Variants in ATP6V1H observed in about 807,000 individuals in gnomAD.
The protein encoded by ATP6V1H is ATPase H+ transporting V1 subunit H.
ATP6V1H carries 39 observed loss-of-function variants against 71.7 expected under a neutral mutation model. The ratio of observed to expected loss-of-function variants is 0.54; its 90% CI spans 0.42 to 0.71. The LOEUF (loss-of-function observed/expected upper bound fraction) is 0.71. Ranked by LOEUF, ATP6V1H falls within the 30% of genes least tolerant of loss-of-function variation. ATP6V1H has a pLI of 0.00. For synonymous variants in ATP6V1H, 192 were observed against 199.3 expected, an observed-to-expected ratio of 0.96 and a Z score of 0.31; for missense variants, 509 against 594.9, an observed-to-expected ratio of 0.86 and a Z score of 1.50.
Position 53,817,473 on chromosome 8 carries a change from C to CG in ATP6V1H, c.363_364insC (p.Ala122ArgfsTer39). On this transcript the variant is annotated frameshift_variant, in exon 5 of 14. Coordinates refer to ENST00000359530, the MANE Select transcript of ATP6V1H (RefSeq NM_015941.4). LOFTEE classifies it high-confidence loss of function. The stretch of plus-strand genomic sequence containing the variant: ...AACATTGGCAGAAAGTAGGGCCACG[C>CG]AGTGTTCTTGCTACATCTTGCATAG... 6.2e-7 allele frequency: 1 copy of CG among 1,613,798 alleles called. No homozygotes were observed. Among genetic ancestry groups the CG allele is most frequent in the Non-Finnish European group, 8.5e-7 (1 of 1,179,820 alleles).
intron 13 of ATP6V1H, among the ~76,000 whole-genome samples, chr8:53,721,274 G>GA (rs916475600): frequency 2.3e-4 from 35 of 151,150 alleles, no homozygotes; most frequent in Admixed American, 1.2e-3. Context: ...TTTATGAACT[G>GA]AAAAAAAACA....
At position 53,775,345 on chromosome 8, in the gene ATP6V1H, A is replaced by G. The variant is rs922632426; in HGVS notation, c.871-3178T>C. ...AAGAGCGAAAGAACACAGCTCCCAC[A>G]GTGTGGAAGGGGACCGGAGCGGGTT... On this transcript the variant is annotated intron_variant, in intron 9 of 13. Transcript: ENST00000359530. Among the ~76,000 whole-genome samples, 7 of 152,340 alleles carry G rather than the reference A, an allele frequency of 4.6e-5. No homozygotes were observed. The East Asian group carries it at 5.8e-4, about 13-fold the overall frequency.
At chr8:53,789,633 G>A (rs1456778133) in intron 9 of ATP6V1H, among the ~76,000 whole-genome samples, 2 of 152,068 alleles carry the variant, frequency 1.3e-5, no homozygotes, top group Admixed American at 1.3e-4. Flanking sequence ...CAACAGGACA[G>A]CTAAAATAAG....
intron 2 of ATP6V1H, among the ~76,000 whole-genome samples, chr8:53,838,127 C>CTTTT (rs11388813): frequency 6.8e-6 from 1 of 146,324 alleles, no homozygotes; most frequent in Non-Finnish European, 1.5e-5. Context: ...CTGTTACTGT[C>CTTTT]TTTTTTTTTT....
intron 7 of ATP6V1H, among the ~76,000 whole-genome samples, chr8:53,807,365 C>T (rs989903490): frequency 1.1e-4 from 17 of 151,666 alleles, no homozygotes; most frequent in Admixed American, 3.9e-4. Flanking sequence ...TTTGGGAGGC[C>T]GAGGTGGGCA....
chr8:53,833,315 G>A (rs553007671), intron 2 of ATP6V1H: 39 of 478,574 alleles, frequency 8.1e-5, no homozygotes, highest in Non-Finnish European at 1.1e-4. Context: ...AACAATAATC[G>A]CATTGCCTCT....
At chr8:53,825,459 A>G (rs1810795462) in intron 4 of ATP6V1H, among the ~76,000 whole-genome samples, 1 of 152,150 alleles carries the variant, frequency 6.6e-6, no homozygotes, top group African/African-American at 2.4e-5. Context: ...AACAACATTC[A>G]AGAAAACCTA....
intron 11 of ATP6V1H, among the ~76,000 whole-genome samples, chr8:53,760,281 A>AT (rs1298585967): frequency 2.0e-5 from 3 of 152,196 alleles, no homozygotes; most frequent in Non-Finnish European, 4.4e-5. Context: ...TGCTCAACTG[A>AT]TAAGGGAAAA....
In ATP6V1H at chr8:53,822,963, T is replaced by C. The variant is rs574831704; in HGVS notation, c.307-5433A>G. Among the ~76,000 whole-genome samples the C allele has an allele frequency of 2.3e-3, 343 of 152,140 alleles. 2 individuals are homozygous for C. The highest frequency in any genetic ancestry group is 7.9e-3 in the African/African-American group (326 of 41,524). ...CACTAATGTGTATATATGCACCAAATACAGCATCCACCTTTATAAAGTGAA... is the reference window on the plus strand; with the variant it reads ...CACTAATGTGTATATATGCACCAAACACAGCATCCACCTTTATAAAGTGAA... On this transcript the variant is annotated intron_variant, in intron 4 of 13. Coordinates refer to ENST00000359530, the MANE Select transcript of ATP6V1H (RefSeq NM_015941.4).
chr8:53,821,544 G>A (rs528944927), intron 4 of ATP6V1H, among the ~76,000 whole-genome samples: 11 of 152,038 alleles, frequency 7.2e-5, no homozygotes, highest in East Asian at 1.9e-4. Flanking sequence ...AGCTGGGCAC[G>A]GCGGCACACG....
intron 12 of ATP6V1H, among the ~76,000 whole-genome samples, chr8:53,751,439 CAAAGTGCA>C: frequency 6.6e-6 from 1 of 152,222 alleles, no homozygotes; most frequent in South Asian, 2.1e-4. Flanking sequence ...TGAAATAGTC[CAAAGTGCA>C]AATATGACAT....
intron 4 of ATP6V1H, among the ~76,000 whole-genome samples, chr8:53,817,867 C>T (rs1482239735): frequency 1.1e-4 from 16 of 152,026 alleles, no homozygotes; most frequent in Admixed American, 1.0e-3. Context: ...ACCTGGCTGC[C>T]ATACGAGGGA....
chr8:53,752,410 C>T (rs1807828215), intron 12 of ATP6V1H, among the ~76,000 whole-genome samples: 2 of 152,222 alleles, frequency 1.3e-5, no homozygotes, highest in Non-Finnish European at 2.9e-5. Flanking sequence ...TGTGAGAAAT[C>T]CGCATATAAC....
intron 2 of ATP6V1H, among the ~76,000 whole-genome samples, chr8:53,837,351 A>G (rs1811189889): frequency 6.6e-6 from 1 of 152,208 alleles, no homozygotes; most frequent in African/African-American, 2.4e-5. Flanking sequence ...AGGCACCTGT[A>G]AGAACAGTTG....
intron 6 of ATP6V1H, among the ~76,000 whole-genome samples, chr8:53,813,558 A>G (rs896795681): frequency 6.6e-6 from 1 of 151,948 alleles, no homozygotes; most frequent in Admixed American, 6.6e-5. Flanking sequence ...CTACCTTTTC[A>G]TCTCCAGAAT....
intron 3 of ATP6V1H, among the ~76,000 whole-genome samples, chr8:53,830,032 C>G (rs1264335022): frequency 6.6e-6 from 1 of 152,142 alleles, no homozygotes; most frequent in Non-Finnish European, 1.5e-5. Context: ...CCAACTTCCC[C>G]ATGACTGTTG....
At chr8:53,840,358 C>A (rs1166418345) in intron 2 of ATP6V1H, among the ~76,000 whole-genome samples, 2 of 152,022 alleles carry the variant, frequency 1.3e-5, no homozygotes, top group African/African-American at 4.8e-5. Context: ...ATTAGGCGGG[C>A]AAGGTGTCAG....
At chr8:53,725,122 GGCC>G (rs1227811462) in intron 13 of ATP6V1H, among the ~76,000 whole-genome samples, 2 of 152,118 alleles carry the variant, frequency 1.3e-5, no homozygotes, top group Admixed American at 6.5e-5. Context: ...TGAGAGGAGG[GGCC>G]TTAAAGAGGT....
At chr8:53,717,903 G>A (rs1013502564) in intron 13 of ATP6V1H, among the ~76,000 whole-genome samples, 1 of 152,164 alleles carries the variant, frequency 6.6e-6, no homozygotes, top group African/African-American at 2.4e-5. Flanking sequence ...TTTTAAAAGT[G>A]TACTCAAAGA....
Sources: allele counts gnomAD v4.1 joint callset (sites outside exome capture counted in the v4.1 genomes callset), GRCh38; gene constraint gnomAD v4.1.1; transcripts MANE v1.5; gene names NCBI Gene and HGNC (gene_info 2026-07-23, HGNC 2026-07-21).